The following RAE1 variants were observed in gnomAD, a reference collection of about 807,000 sequenced individuals.
RAE1 encodes the protein mRNA export factor RAE1.
RAE1 carries 13 observed loss-of-function variants against 52.7 expected under a neutral mutation model. The observed-to-expected ratio is 0.25, with a 90% CI of 0.16 to 0.39. The LOEUF (loss-of-function observed/expected upper bound fraction) is 0.39, where lower values mean the gene tolerates loss of function less well. RAE1 is among the 10% of genes least tolerant of loss of function. The pLI, the probability that RAE1 is intolerant of heterozygous loss-of-function variation, is 1.00. For missense variants in RAE1, 262 were observed against 459.8 expected (o/e 0.57, Z 3.93); for synonymous variants, 164 against 153.1 (o/e 1.07, Z -0.52).
Position 57,373,455 on chromosome 20 carries a change from C to T in RAE1, c.643-20C>T. The T allele has an allele frequency of 6.3e-7, 1 of 1,599,152 alleles. No homozygotes were observed. Among genetic ancestry groups the T allele is most frequent in the Non-Finnish European group, 8.6e-7 (1 of 1,167,562 alleles). ...CTTATATTATGCTGTGATTATGTCT[C>T]TTTTTTATTTTAACTGTAGCATCGG... is the stretch of plus-strand genomic sequence containing the variant. On this transcript the variant is annotated intron_variant, in intron 8 of 11. Coordinates refer to ENST00000395841, the MANE Select transcript of RAE1 (RefSeq NM_003610.4).
intron 4 of RAE1, 35 bp downstream of exon 4, chr20:57,356,573 C>T: frequency 6.5e-7 from 1 of 1,532,586 alleles, no homozygotes; most frequent in Non-Finnish European, 9.0e-7. Flanking sequence ...TTCCATTTTA[C>T]TTAAAGTACA....
chr20:57,374,694 A>G lies in RAE1; in HGVS notation c.913A>G (p.Arg305Gly), dbSNP rs1250136397. The G allele has an allele frequency of 6.2e-7, 1 of 1,614,220 alleles. No individual in the cohort carries two copies. Among genetic ancestry groups the G allele is most frequent in the Non-Finnish European group, 8.5e-7 (1 of 1,180,018 alleles). Residue 305 changes from arginine to glycine, a missense_variant, in exon 11 of 12, where the codon AGA (arginine) becomes GGA (glycine). Physicochemically the swap from Arg to Gly is moderately radical, Grantham distance 125. Coordinates refer to ENST00000395841, the MANE Select transcript of RAE1 (RefSeq NM_003610.4). ...ATTCAGCTTCTGGGACAAAGATGCC[A>G]GAACAAAACTAAAAACTTCGGAACA... ...GRFSFWDKDA[R>G]TKLKTSEQLD...
At chr20:57,369,349 T>C (rs956187377) in intron 8 of RAE1, among the ~76,000 whole-genome samples, 1 of 152,204 alleles carries the variant, frequency 6.6e-6, no homozygotes, top group Non-Finnish European at 1.5e-5. Flanking sequence ...GTCTTGTTAA[T>C]GTGGAGGAAA....
chr20:57,368,919 C>A, intron 8 of RAE1, 107 bp downstream of exon 8: 1 of 859,122 alleles, frequency 1.2e-6, no homozygotes, highest in South Asian at 1.6e-5. Context: ...TAAGTATGTT[C>A]AAAGAGGGGT....
chr20:57,357,175 C>T (rs75348568), intron 4 of RAE1, among the ~76,000 whole-genome samples: 273 of 152,318 alleles, frequency 1.8e-3, no homozygotes, highest in African/African-American at 6.2e-3. Flanking sequence ...GTATACAGCT[C>T]TGTGAGTGTT....
At position 57,378,560 on chromosome 20, in the gene RAE1, C is replaced by T. The variant is rs947796521; in HGVS notation, c.*461C>T. 1 of 154,814 alleles carries T rather than the reference C, an allele frequency of 6.5e-6. No individual in the cohort carries two copies. The highest frequency in any genetic ancestry group is 6.4e-5 in the Admixed American group (1 of 15,610). The allele number at this position is 154,814 out of a possible 1,614,324, so 9.6% of individuals were successfully genotyped here. ...TGGGGTTTTGAGTTGAGATTTCAGA[C>T]ACCCTCTGGGAAATGCGGCAACCTT... is the stretch of plus-strand genomic sequence containing the variant. On this transcript the variant is annotated 3_prime_UTR_variant, in exon 12 of 12. Coordinates refer to ENST00000395841, the MANE Select transcript of RAE1 (RefSeq NM_003610.4).
chr20:57,356,390 A>T, intron 3 of RAE1, 56 bp from the exon 4 acceptor site: 1 of 1,424,834 alleles, frequency 7.0e-7, no homozygotes, highest in Non-Finnish European at 9.7e-7. Flanking sequence ...TAGGTGTTAA[A>T]TGCAAGCAAT....
chr20:57,367,992 C>T (rs2066982022), intron 7 of RAE1, among the ~76,000 whole-genome samples: 1 of 152,102 alleles, frequency 6.6e-6, no homozygotes, highest in African/African-American at 2.4e-5. Flanking sequence ...CGGGTTCAAG[C>T]GATTCTCCTG....
chr20:57,373,756 T>G lies in RAE1; in HGVS notation c.825+18T>G. 1.9e-6 allele frequency: 3 copies of G among 1,605,250 alleles called. No homozygotes were observed. The highest frequency in any genetic ancestry group is 3.3e-5 in the Admixed American group (2 of 59,988). On this transcript the variant is annotated intron_variant, in intron 10 of 11. Coordinates refer to ENST00000395841, the MANE Select transcript of RAE1 (RefSeq NM_003610.4). ...TTTATGCGGTACGTTTTTAGACACT[T>G]TAACCGTGGTAATACATCTGGAAAC... is the stretch of plus-strand genomic sequence containing the variant.
At chr20:57,357,525 A>T (rs1384467091) in intron 4 of RAE1, 1 of 152,154 alleles carries the variant, frequency 6.6e-6, no homozygotes, top group East Asian at 1.9e-4. Flanking sequence ...TAAAAGATGT[A>T]CGAGTTGGTC....
At chr20:57,358,849 G>T (rs2066841563) in intron 4 of RAE1, 2 of 676,134 alleles carry the variant, frequency 3.0e-6, no homozygotes, top group Non-Finnish European at 4.4e-6. Flanking sequence ...ATGCTCCGAG[G>T]TCACCCCAAC....
intron 1 of RAE1, chr20:57,351,776 C>T: frequency 3.0e-6 from 3 of 985,496 alleles, no homozygotes; most frequent in Non-Finnish European, 3.6e-6. Context: ...AAGGGCGTCC[C>T]CTTTTAGCCT....
At chr20:57,355,063 T>C (rs1028737386) in intron 3 of RAE1, among the ~76,000 whole-genome samples, 5 of 152,252 alleles carry the variant, frequency 3.3e-5, no homozygotes, top group African/African-American at 1.2e-4. Flanking sequence ...TCTTGAAGTT[T>C]ATTCCCAAAT....
chr20:57,368,215 A>G (rs948883286), intron 7 of RAE1, among the ~76,000 whole-genome samples: 7 of 152,236 alleles, frequency 4.6e-5, no homozygotes, highest in African/African-American at 9.6e-5. Flanking sequence ...ATAGTGAAAC[A>G]TTGGAAGTGG....
chr20:57,366,094 A>G (rs1271796328), intron 5 of RAE1, among the ~76,000 whole-genome samples: 1 of 152,174 alleles, frequency 6.6e-6, no homozygotes, highest in African/African-American at 2.4e-5. Context: ...CTTAATTCCC[A>G]TCACCTCAGT....
At chr20:57,352,705 AGT>A (rs146538163) in intron 1 of RAE1, among the ~76,000 whole-genome samples, 1 of 152,156 alleles carries the variant, frequency 6.6e-6, no homozygotes, top group Non-Finnish European at 1.5e-5. Flanking sequence ...TGCTTTAGGC[AGT>A]GTGTGTGTGT....
chr20:57,354,190 G>A, intron 2 of RAE1, 62 bp downstream of exon 2: 1 of 1,441,872 alleles, frequency 6.9e-7, no homozygotes, highest in Non-Finnish European at 9.7e-7. Flanking sequence ...TCCCATCAAG[G>A]ACAGAACCCG....
At chr20:57,351,990 A>G in intron 1 of RAE1, 2 of 985,004 alleles carry the variant, frequency 2.0e-6, no homozygotes, top group Non-Finnish European at 2.4e-6. Flanking sequence ...CATTAAGGGA[A>G]GAATCCAGGC....
intron 7 of RAE1, among the ~76,000 whole-genome samples, chr20:57,368,028 A>G (rs979198152): frequency 8.5e-5 from 13 of 152,266 alleles, no homozygotes; most frequent in African/African-American, 3.1e-4. Context: ...AACTGGGACT[A>G]CAGGTGTGTG....
Sources: allele counts gnomAD v4.1 joint callset (sites outside exome capture counted in the v4.1 genomes callset), GRCh38; gene constraint gnomAD v4.1.1; transcripts MANE v1.5; gene names NCBI Gene and HGNC (gene_info 2026-07-23, HGNC 2026-07-21).